Variants in AMOTL1 observed in about 807,000 individuals in gnomAD.
AMOTL1 encodes the protein angiomotin like 1.
AMOTL1 carries 45 observed loss-of-function variants against 102.9 expected under a neutral mutation model. That is an observed-to-expected ratio of 0.44 (90% CI 0.34 to 0.56). The LOEUF is 0.56. Ranked by LOEUF, AMOTL1 falls within the 20% of genes least tolerant of loss-of-function variation. AMOTL1 has a pLI of 0.01. For missense variants in AMOTL1, 1,114 were observed against 1,225.6 expected (o/e 0.91, Z 1.36); for synonymous variants, 481 against 484.7 (o/e 0.99, Z 0.10).
At chr11:94,864,344 G>GC (rs1952834329) in intron 9 of AMOTL1, among the ~76,000 whole-genome samples, 2 of 152,204 alleles carry the variant, frequency 1.3e-5, no homozygotes, top group South Asian at 4.1e-4. Context: ...ATGCCATGTA[G>GC]CTACATACAT....
chr11:94,859,415 G>A, intron 8 of AMOTL1, 110 bp from the exon 9 acceptor site: 1 of 1,050,056 alleles, frequency 9.5e-7, no homozygotes, highest in Non-Finnish European at 1.3e-6. Flanking sequence ...AAGTAGCATG[G>A]TGTGTGAATT....
At chr11:94,856,168 G>A (rs1358417847) in intron 8 of AMOTL1, among the ~76,000 whole-genome samples, 1 of 152,154 alleles carries the variant, frequency 6.6e-6, no homozygotes, top group Non-Finnish European at 1.5e-5. Context: ...AAAAAGATAA[G>A]TAGAGGTTGA....
At chr11:94,754,116 A>G (rs1440649602) in intron 3 of AMOTL1, among the ~76,000 whole-genome samples, 1 of 152,132 alleles carries the variant, frequency 6.6e-6, no homozygotes, top group African/African-American at 2.4e-5. Context: ...GAGATAATAT[A>G]TGTAGAGTGC....
chr11:94,822,965 G>T (rs1162537460), intron 4 of AMOTL1, among the ~76,000 whole-genome samples: 1 of 152,130 alleles, frequency 6.6e-6, no homozygotes, highest in Admixed American at 6.5e-5. Flanking sequence ...GGCAATAAAG[G>T]GCTTCTGTAA....
rs561823585 is a variant in AMOTL1 at position 94,821,945 on chromosome 11, C to T, written c.1413+124C>T. The T allele has an allele frequency of 8.7e-6, 11 of 1,259,892 alleles. No homozygotes were observed. The African/African-American group carries it at 1.6e-4, about 19-fold the overall frequency. 78.0% of individuals were successfully genotyped at this position (1,259,892 alleles called of 1,614,324 possible). On this transcript the variant is annotated intron_variant, in intron 4 of 12. Transcript: ENST00000433060. ...TTTTTATACTAGGCCCTGTGCAAGG[C>T]TTTAGGGAGATGAAAATAAATATGA...
chr11:94,822,302 G>A (rs1392653974), intron 4 of AMOTL1, among the ~76,000 whole-genome samples: 1 of 152,172 alleles, frequency 6.6e-6, no homozygotes, highest in African/African-American at 2.4e-5. Flanking sequence ...AGCCAGTCAT[G>A]GTGGCCCATG....
chr11:94,837,549 C>G (rs951844939), intron 6 of AMOTL1, among the ~76,000 whole-genome samples: 1 of 152,192 alleles, frequency 6.6e-6, no homozygotes, highest in Non-Finnish European at 1.5e-5. Context: ...CTTGATCAAC[C>G]TTGATAGGCA....
intron 1 of AMOTL1, among the ~76,000 whole-genome samples, chr11:94,781,544 C>T (rs981059609): frequency 2.6e-5 from 4 of 152,188 alleles, no homozygotes; most frequent in Admixed American, 6.5e-5. Context: ...CCTAAAAACT[C>T]TCTTCATAAT....
intron 3 of AMOTL1, among the ~76,000 whole-genome samples, chr11:94,747,177 T>A (rs922768299): frequency 3.3e-5 from 5 of 152,134 alleles, no homozygotes; most frequent in Non-Finnish European, 7.4e-5. Context: ...TTTTAGAAAA[T>A]CTGGACTTTA....
chr11:94,708,514 A>T (rs1949968878), intron 1 of AMOTL1, among the ~76,000 whole-genome samples: 1 of 152,212 alleles, frequency 6.6e-6, no homozygotes, highest in South Asian at 2.1e-4. Context: ...GTGAAATGGA[A>T]ACAATACCTG....
At chr11:94,806,654 C>A (rs1951573790) in intron 3 of AMOTL1, among the ~76,000 whole-genome samples, 1 of 152,162 alleles carries the variant, frequency 6.6e-6, no homozygotes, top group Non-Finnish European at 1.5e-5. Context: ...CCCTGTGTGT[C>A]CTGACAAACG....
At position 94,869,087 on chromosome 11, in the gene AMOTL1, CAATG is replaced by C. The variant is rs530223068; in HGVS notation, c.2489-100_2489-97del. On this transcript the variant is annotated intron_variant, in intron 11 of 12. Transcript: ENST00000433060. ...TTTATTAAATGCTTGGGGAATGAAT[CAATG>C]AATGAATGAAGCAATCATCAATCAA... 3.6e-4 allele frequency: 448 copies of C among 1,243,782 alleles called. 5 individuals are homozygous for C. The African/African-American group carries it at 6.2e-3, about 17-fold the overall frequency. The allele number at this position is 1,243,782 out of a possible 1,614,324, so 77.0% of individuals were successfully genotyped here.
At chr11:94,826,358 A>T (rs1473007497) in intron 4 of AMOTL1, among the ~76,000 whole-genome samples, 4 of 152,196 alleles carry the variant, frequency 2.6e-5, no homozygotes, top group Non-Finnish European at 5.9e-5. Flanking sequence ...TGTCCTCTGT[A>T]ATCATACTTT....
intron 2 of AMOTL1, among the ~76,000 whole-genome samples, chr11:94,796,439 G>A (rs530859702): frequency 1.1e-4 from 17 of 152,172 alleles, no homozygotes; most frequent in Non-Finnish European, 1.8e-4. Flanking sequence ...ATAACAAACA[G>A]AACTCTCTGC....
intron 6 of AMOTL1, among the ~76,000 whole-genome samples, chr11:94,839,115 G>C (rs1339962650): frequency 1.3e-5 from 2 of 152,224 alleles, no homozygotes; most frequent in Non-Finnish European, 2.9e-5. Flanking sequence ...CCAGCCATCT[G>C]ATGGCCGCCA....
chr11:94,707,250 C>CTCTGTGTGTGTGTG (rs1338023479), intron 1 of AMOTL1, among the ~76,000 whole-genome samples: 8 of 71,710 alleles, frequency 1.1e-4, no homozygotes, highest in African/African-American at 3.2e-4. Flanking sequence ...CTCTCTCTCT[C>CTCTGTGTGTGTGTG]TGTGTGTGTG....
At chr11:94,787,024 T>C (rs1372705535) in intron 1 of AMOTL1, among the ~76,000 whole-genome samples, 1 of 151,986 alleles carries the variant, frequency 6.6e-6, no homozygotes, top group Non-Finnish European at 1.5e-5. Flanking sequence ...CAGTCTCTGT[T>C]GTTATAAACT....
rs566913993 is a variant in AMOTL1 at position 94,813,444 on chromosome 11, A to G, written c.1122-8086A>G. On this transcript the variant is annotated intron_variant, in intron 3 of 12. Transcript: ENST00000433060. The stretch of plus-strand genomic sequence containing the variant: ...GAAATAACTGGGATCAACGTTCCCC[A>G]GGCAAGGTAAAGAACTGGAGAGCTC... Among the ~76,000 whole-genome samples the G allele has an allele frequency of 3.3e-5, 5 of 152,340 alleles. No individual in the cohort carries two copies. The East Asian group carries it at 7.7e-4, about 24-fold the overall frequency.
Position 94,821,685 on chromosome 11 carries a change from C to T in AMOTL1, c.1277C>T (p.Pro426Leu), listed in dbSNP as rs769457689. The T allele has an allele frequency of 2.9e-5, 47 of 1,614,040 alleles. No homozygotes were observed. In the East Asian group the frequency reaches 7.6e-4, roughly 26 times the overall value. The change falls in exon 4 of 13, where the codon CCC (proline) becomes CTC (leucine). Residue 426 changes from proline to leucine, a missense_variant. Coordinates refer to ENST00000433060, the MANE Select transcript of AMOTL1 (RefSeq NM_130847.3). ...CCACAGCCCCCGCCTGCCGCCTCCC[C>T]CAGCCAGCAGCTTGGTCCAGATGCC... Reference protein sequence around the residue: ...GAPQPPPAASPSQQLGPDAFA... With the variant: ...GAPQPPPAASLSQQLGPDAFA...
Sources: allele counts gnomAD v4.1 joint callset (sites outside exome capture counted in the v4.1 genomes callset), GRCh38; gene constraint gnomAD v4.1.1; transcripts MANE v1.5; gene names NCBI Gene and HGNC (gene_info 2026-07-23, HGNC 2026-07-21).